Variants in ITGAX observed in about 807,000 individuals in gnomAD.
ITGAX encodes integrin alpha-X.
Under a neutral mutation model 140.2 loss-of-function variants are expected in ITGAX, and 99 were observed. The observed-to-expected ratio is 0.71, with a 90% confidence interval of 0.60 to 0.83. The LOEUF (loss-of-function observed/expected upper bound fraction) is 0.83. Among genes scored for constraint, ITGAX ranks in the 40% least tolerant of loss-of-function variants. The pLI is 0.00. For synonymous variants in ITGAX, 631 were observed against 600.4 expected (o/e 1.05, Z -0.75); for missense variants, 1,444 against 1,482.0 (o/e 0.97, Z 0.42).
In ITGAX at chr16:31,381,981, C is replaced by A; in HGVS notation, c.*74C>A. ...ACTTACCCTCACCTGTCAGGCCTGA[C>A]GGGGAGGAACCACTGCACCACCGAG... On this transcript the variant is annotated 3_prime_UTR_variant, in exon 30 of 30. Coordinates refer to ENST00000268296, the MANE Select transcript of ITGAX (RefSeq NM_000887.5). The A allele has an allele frequency of 1.4e-6, 2 of 1,464,742 alleles. No individual in the cohort carries two copies. Among genetic ancestry groups the A allele is most frequent in the Non-Finnish European group, 1.9e-6 (2 of 1,077,036 alleles). 90.7% of individuals were successfully genotyped at this position (1,464,742 alleles called of 1,614,324 possible). A position where few individuals can be genotyped will look rare whatever the true frequency, so the allele number is the denominator to read the frequency against.
intron 14 of ITGAX, among the ~76,000 whole-genome samples, chr16:31,368,515 G>T (rs987157915): frequency 2.3e-5 from 3 of 129,002 alleles, no homozygotes; most frequent in African/African-American, 5.6e-5. Flanking sequence ...AAAAAAAAAA[G>T]AATATTATAT....
At chr16:31,368,479 C>G (rs1597073454) in intron 14 of ITGAX, among the ~76,000 whole-genome samples, 1 of 107,496 alleles carries the variant, frequency 9.3e-6, no homozygotes, top group African/African-American at 3.7e-5. Flanking sequence ...GCCTGGGCGA[C>G]AGAGTGAAAG....
Position 31,382,239 on chromosome 16 carries a change from T to TTC in ITGAX, c.*333_*334insCT. ...TCTTTCTTTCCTTTCTTTTTTTTTTTTTTTCTTTTCTTTTTTTTTTTTTTG... is the reference window on the plus strand; with the variant it reads ...TCTTTCTTTCCTTTCTTTTTTTTTTTTCTTTTCTTTTCTTTTTTTTTTTTTTG... On this transcript the variant is annotated 3_prime_UTR_variant, in exon 30 of 30. Transcript: ENST00000268296. 1 of 1,175,554 alleles carries TTC rather than the reference T, an allele frequency of 8.5e-7. No homozygotes were observed. Among genetic ancestry groups the TTC allele is most frequent in the Non-Finnish European group, 1.1e-6 (1 of 921,532 alleles). 72.8% of individuals were successfully genotyped at this position (1,175,554 alleles called of 1,614,324 possible).
At chr16:31,374,858 A>G (rs1179762181) in intron 20 of ITGAX, among the ~76,000 whole-genome samples, 2 of 152,238 alleles carry the variant, frequency 1.3e-5, no homozygotes, top group African/African-American at 4.8e-5. Context: ...TTAATCCCCA[A>G]TGCAACAGTG....
rs750943505 is a variant in ITGAX at position 31,376,837 on chromosome 16, C to T, written c.2547C>T (p.Asp849=). The change falls in exon 21 of 30, where the codon GAC becomes GAT. Residue 849 remains aspartate, a synonymous_variant. Coordinates refer to ENST00000268296, the MANE Select transcript of ITGAX (RefSeq NM_000887.5). ...TGCGTTCCCTGCACCTGACATGTGA[C>T]AGCGCCCCAGTTGGGAGCCAGGGCA... ...GQLRSLHLTC[D]SAPVGSQGTW... is the part of the protein sequence containing the mutation. 3.1e-6 allele frequency: 5 copies of T among 1,614,208 alleles called. No homozygotes were observed. Among genetic ancestry groups the T allele is most frequent in the East Asian group, 4.5e-5 (2 of 44,892 alleles).
intron 23 of ITGAX, 54 bp downstream of exon 23, chr16:31,377,319 G>GAA (rs11411067): frequency 0.037 from 37,438 of 1,023,016 alleles, 2 homozygotes; most frequent in East Asian, 0.088. Flanking sequence ...ACCTCAAAAA[G>GAA]AAAAAAAAAA....
At chr16:31,374,043 C>A (rs2080997334) in intron 20 of ITGAX, among the ~76,000 whole-genome samples, 1 of 152,144 alleles carries the variant, frequency 6.6e-6, no homozygotes, top group Non-Finnish European at 1.5e-5. Flanking sequence ...AATCCCAGGA[C>A]TTCGGGAGGT....
intron 14 of ITGAX, among the ~76,000 whole-genome samples, chr16:31,370,564 C>G (rs918307917): frequency 6.6e-6 from 1 of 152,166 alleles, no homozygotes; most frequent in African/African-American, 2.4e-5. Flanking sequence ...GACACTGTCC[C>G]CAACCTCTCT....
In ITGAX at chr16:31,379,580, C is replaced by T. The variant is rs374908765; in HGVS notation, c.2802C>T (p.Phe934=). The T allele has an allele frequency of 1.9e-6, 3 of 1,561,330 alleles. No homozygotes were observed. The African/African-American group carries it at 4.1e-5, about 21-fold the overall frequency. ...VYTVVSSHEQ[F]TKYLNFSESE... is the part of the protein sequence containing the mutation. ...CTTCTCTCTCCAGCCACGAACAATTCACCAAATACCTCAACTTCTCAGAGT... is the reference window on the plus strand; with the variant it reads ...CTTCTCTCTCCAGCCACGAACAATTTACCAAATACCTCAACTTCTCAGAGT... The change falls in exon 24 of 30, where the codon TTC becomes TTT. Residue 934 remains phenylalanine, a synonymous_variant. Transcript: ENST00000268296.
chr16:31,379,997 T>C lies in ITGAX; in HGVS notation c.2992T>C (p.Cys998Arg). ...VSHPQNPSLRCSSEKIAPPAS... is the reference protein window; with the variant it reads ...VSHPQNPSLRRSSEKIAPPAS... ...TTTCCCCCAGAACCCATCCCTTCGG[T>C]GCTCCTCAGAGAAAATCGCACCCCC... is the stretch of plus-strand genomic sequence containing the variant. The change falls in exon 26 of 30, where the codon TGC (cysteine) becomes CGC (arginine). Residue 998 changes from cysteine (C) to arginine (R), a missense_variant. Coordinates refer to ENST00000268296, the MANE Select transcript of ITGAX (RefSeq NM_000887.5). 2 of 1,614,104 alleles carry C rather than the reference T, an allele frequency of 1.2e-6. No homozygotes were observed. Among genetic ancestry groups the C allele is most frequent in the Non-Finnish European group, 1.7e-6 (2 of 1,179,992 alleles).
rs772255897 is a variant in ITGAX, at chr16:31,362,148, G to T, written c.1160G>T (p.Ser387Ile). 1 of 1,614,088 alleles carries T rather than the reference G, an allele frequency of 6.2e-7. No individual in the cohort carries two copies. The highest frequency in any genetic ancestry group is 8.5e-7 in the Non-Finnish European group (1 of 1,180,004). The change falls in exon 11 of 30, where the codon AGC (serine) becomes ATC (isoleucine). Residue 387 changes from serine to isoleucine, a missense_variant. Physicochemically the swap from Ser to Ile is moderately radical, Grantham distance 142. Transcript: ENST00000268296. Reference protein sequence around the residue: ...GGAFLYPPNMSPTFINMSQEN... With the variant: ...GGAFLYPPNMIPTFINMSQEN... ...GCCTTCCTGTACCCCCCAAATATGAGCCCTACCTTCATCAACATGTCTCAG... is the reference window on the plus strand; with the variant it reads ...GCCTTCCTGTACCCCCCAAATATGATCCCTACCTTCATCAACATGTCTCAG...
chr16:31,382,454 C>G lies in ITGAX; in HGVS notation c.*547C>G, dbSNP rs1020467626. ...GTTCTGAATATGCTGCTCATCCCCA[C>G]CTGTCTTCAACAGCTCCCCATTACC... On this transcript the variant is annotated 3_prime_UTR_variant, in exon 30 of 30. Transcript: ENST00000268296. 6.5e-7 allele frequency: 1 copy of G among 1,535,340 alleles called. No homozygotes were observed. The highest frequency in any genetic ancestry group is 8.7e-7 in the Non-Finnish European group (1 of 1,146,194).
At chr16:31,366,458 T>G (rs75938245) in intron 14 of ITGAX, among the ~76,000 whole-genome samples, 1,931 of 152,290 alleles carry the variant, frequency 0.013, 37 homozygotes, top group African/African-American at 0.044. Flanking sequence ...TTAAGCCAAA[T>G]AATAACTCTA....
intron 3 of ITGAX, 70 bp downstream of exon 3, chr16:31,356,798 T>A: frequency 8.6e-7 from 1 of 1,158,300 alleles, no homozygotes; most frequent in Non-Finnish European, 1.2e-6. Flanking sequence ...GCCCGTGGAC[T>A]CACCGGAGTG....
Position 31,371,216 on chromosome 16 carries a change from T to C in ITGAX, c.1841+2T>C, listed in dbSNP as rs1443279516. 2 of 1,606,552 alleles carry C rather than the reference T, an allele frequency of 1.2e-6. No individual in the cohort carries two copies. Among genetic ancestry groups the C allele is most frequent in the Non-Finnish European group, 1.7e-6 (2 of 1,176,162 alleles). On this transcript the variant is annotated splice_donor_variant, in intron 15 of 29. Coordinates refer to ENST00000268296, the MANE Select transcript of ITGAX (RefSeq NM_000887.5). LOFTEE classifies it high-confidence loss of function. ...CCGGGGCCAGGTGCTCCTGCTCAGG[T>C]GAGAGCAGCCTTTCTCAGAGGCTCC...
At chr16:31,372,779 C>T (rs2080982639) in intron 19 of ITGAX, 109 bp downstream of exon 19, 1 of 1,126,284 alleles carries the variant, frequency 8.9e-7, no homozygotes, top group East Asian at 2.6e-5. Flanking sequence ...AGTCAAAACC[C>T]AGGTGTCTTG....
At chr16:31,375,411 A>G (rs180710404) in intron 20 of ITGAX, among the ~76,000 whole-genome samples, 2 of 152,350 alleles carry the variant, frequency 1.3e-5, no homozygotes, top group Non-Finnish European at 2.9e-5. Context: ...GGCCCTCACC[A>G]GATGCTGGTG....
intron 17 of ITGAX, among the ~76,000 whole-genome samples, chr16:31,372,166 G>T (rs529093842): frequency 9.5e-4 from 102 of 106,910 alleles, no homozygotes; most frequent in Admixed American, 1.6e-3. Flanking sequence ...CGGGAGGTCT[G>T]GGGGGGGGGA....
intron 14 of ITGAX, among the ~76,000 whole-genome samples, chr16:31,369,223 G>A (rs2080927217): frequency 7.0e-6 from 1 of 142,442 alleles, no homozygotes; most frequent in African/African-American, 2.7e-5. Context: ...CGGGGCGGCT[G>A]GCCGGGCGGG....
Sources: gnomAD v4.1 joint callset for allele counts (sites outside exome capture counted in the v4.1 genomes callset) on GRCh38, gnomAD v4.1.1 for gene constraint, MANE v1.5 for transcripts, NCBI Gene and HGNC (gene_info 2026-07-23, HGNC 2026-07-21) for gene names.